The following SEC31A variants were observed in gnomAD, a reference collection of about 807,000 sequenced individuals.
The protein encoded by SEC31A is protein transport protein Sec31A.
SEC31A carries 70 observed loss-of-function variants against 151.0 expected under a neutral mutation model. The observed-to-expected ratio is 0.46, with a 90% CI of 0.38 to 0.57. The LOEUF (loss-of-function observed/expected upper bound fraction) is 0.57, where lower values mean the gene tolerates loss of function less well. Ranked by LOEUF, SEC31A falls within the 20% of genes least tolerant of loss-of-function variation. The probability of loss-of-function intolerance (pLI) is 0.00; values close to 1 mark genes in which losing one functional copy is unlikely to be tolerated. For missense variants in SEC31A, 1,330 were observed against 1,471.2 expected, an observed-to-expected ratio of 0.90 and a Z score of 1.57; for synonymous variants, 475 against 505.9, an observed-to-expected ratio of 0.94 and a Z score of 0.82.
chr4:82,855,085 T>G, intron 16 of SEC31A, 56 bp from the exon 17 acceptor site: 2 of 1,387,186 alleles, frequency 1.4e-6, no homozygotes, highest in Non-Finnish European at 1.9e-6. Context: ...CAATAAAAAT[T>G]AATTCTGACT....
rs575853106 is a variant in SEC31A at position 82,882,152 on chromosome 4, C to T, written c.-4-212G>A. On this transcript the variant is annotated intron_variant, in intron 1 of 26. Transcript: ENST00000395310. ...GGCCGGGTGGCTCATGCCTGTAATC[C>T]CAGCACTTTGGGAGGCCAAGGCGGG... Among the ~76,000 whole-genome samples, 5 of 152,192 alleles carry T rather than the reference C, an allele frequency of 3.3e-5. No individual in the cohort carries two copies. The East Asian group carries it at 9.7e-4, about 29-fold the overall frequency.
chr4:82,851,660 G>T, intron 18 of SEC31A, 56 bp from the exon 19 acceptor site: 1 of 1,419,014 alleles, frequency 7.0e-7, no homozygotes, highest in Non-Finnish European at 9.7e-7. Flanking sequence ...ATGAGAGGAA[G>T]CAGGAAAAGA....
chr4:82,831,230 GTTCT>G (rs1274762412), intron 22 of SEC31A: 1 of 156,442 alleles, frequency 6.4e-6, no homozygotes, highest in African/African-American at 2.4e-5. Context: ...TTTTCTTACT[GTTCT>G]TTTTTAAGAG....
At position 82,882,199 on chromosome 4, in the gene SEC31A, T is replaced by A. The variant is rs560229033; in HGVS notation, c.-4-259A>T. Among the ~76,000 whole-genome samples, 961 of 152,010 alleles carry A rather than the reference T, an allele frequency of 6.3e-3. 9 individuals carry two copies. The highest frequency in any genetic ancestry group is 0.022 in the African/African-American group (911 of 41,448). ...CGGGCGGATCACGAGGTCAGGAGAT[T>A]GAGACCATCCTGGCTAACATGGTGA... On this transcript the variant is annotated intron_variant, in intron 1 of 26. Coordinates refer to ENST00000395310, the MANE Select transcript of SEC31A (RefSeq NM_001077207.4).
intron 12 of SEC31A, 126 bp downstream of exon 12, chr4:82,863,192 G>A (rs920828683): frequency 6.5e-6 from 4 of 614,876 alleles, no homozygotes; most frequent in South Asian, 2.2e-5. Flanking sequence ...GGGAAAAAAC[G>A]CTGGCAACCA....
At chr4:82,861,736 A>C in intron 13 of SEC31A, 28 bp from the exon 14 acceptor site, 1 of 1,506,898 alleles carries the variant, frequency 6.6e-7, no homozygotes, top group Non-Finnish European at 9.2e-7. Context: ...ATTACAGGGG[A>C]AGGTGAAGAA....
intron 18 of SEC31A, among the ~76,000 whole-genome samples, chr4:82,853,180 A>G (rs1731820220): frequency 6.6e-6 from 1 of 152,162 alleles, no homozygotes; most frequent in South Asian, 2.1e-4. Context: ...CTTTAACCAT[A>G]AAGATTCTCT....
At chr4:82,887,560 T>C (rs536194005) in intron 1 of SEC31A, among the ~76,000 whole-genome samples, 1 of 152,362 alleles carries the variant, frequency 6.6e-6, no homozygotes, top group Non-Finnish European at 1.5e-5. Context: ...CTGACTTTAA[T>C]CATGTCGCTT....
At chr4:82,833,650 T>C (rs770245808) in intron 22 of SEC31A, among the ~76,000 whole-genome samples, 13 of 151,654 alleles carry the variant, frequency 8.6e-5, no homozygotes, top group Admixed American at 1.3e-4. Flanking sequence ...GCTGAAAACA[T>C]AGCAATCCCA....
chr4:82,834,412 CA>C (rs1334875336), intron 22 of SEC31A, among the ~76,000 whole-genome samples: 1 of 152,122 alleles, frequency 6.6e-6, no homozygotes, highest in African/African-American at 2.4e-5. Context: ...CAGACTTCAC[CA>C]ACTATTAGCA....
Position 82,890,201 on chromosome 4 carries a change from CAAAAAAA to C in SEC31A, c.-5+880_-5+886del, listed in dbSNP as rs60372442. ...TGGGTGACAGAGCGAGACTCCGTCT[CAAAAAAA>C]AAAAAAAAAAAAAAAAAGGAGAGTA... is the stretch of plus-strand genomic sequence containing the variant. On this transcript the variant is annotated intron_variant, in intron 1 of 26. Coordinates refer to ENST00000395310, the MANE Select transcript of SEC31A (RefSeq NM_001077207.4). Among the ~76,000 whole-genome samples the C allele has an allele frequency of 9.1e-4, 68 of 74,936 alleles. 1 individual carries two copies. In the East Asian group the frequency reaches 0.014, roughly 15 times the overall value. The allele number at this position is 74,936 out of a possible 152,430, so 49.2% of individuals were successfully genotyped here. A position where few individuals can be genotyped will look rare whatever the true frequency, so the allele number is the denominator to read the frequency against.
chr4:82,895,397 G>A (rs1268005074), upstream of SEC31A: 1 of 152,220 alleles, frequency 6.6e-6, no homozygotes, highest in Admixed American at 6.5e-5. Context: ...TTGAACCCAG[G>A]AGGCAGAGAT....
At chr4:82,845,063 A>G (rs1729759557) in intron 20 of SEC31A, 1 of 563,774 alleles carries the variant, frequency 1.8e-6, no homozygotes, top group Admixed American at 3.3e-5. Context: ...CTTGCATCCT[A>G]AAAGCATTAA....
chr4:82,845,994 G>T (rs548076051), intron 20 of SEC31A, among the ~76,000 whole-genome samples: 1 of 151,308 alleles, frequency 6.6e-6, no homozygotes, highest in East Asian at 1.9e-4. Flanking sequence ...TTGTTTTTTT[G>T]TTTGTTTGTT....
At chr4:82,864,123 T>G (rs912135039) in intron 11 of SEC31A, among the ~76,000 whole-genome samples, 1 of 152,190 alleles carries the variant, frequency 6.6e-6, no homozygotes, top group African/African-American at 2.4e-5. Flanking sequence ...AACAGACCTA[T>G]TATTATTTTT....
At chr4:82,857,277 C>A in intron 15 of SEC31A, 147 bp from the exon 16 acceptor site, 2 of 683,584 alleles carry the variant, frequency 2.9e-6, no homozygotes, top group East Asian at 2.8e-5. Flanking sequence ...TAATTTCTAA[C>A]ACAAGCTATT....
chr4:82,822,310 A>T (rs1308272665), intron 25 of SEC31A, among the ~76,000 whole-genome samples: 1 of 151,972 alleles, frequency 6.6e-6, no homozygotes, highest in East Asian at 1.9e-4. Flanking sequence ...GAAGGGGGCT[A>T]AACATGTTGG....
upstream of SEC31A, chr4:82,891,204 G>T (rs903036521): frequency 2.0e-6 from 3 of 1,528,728 alleles, no homozygotes; most frequent in Non-Finnish European, 1.8e-6. Context: ...CCGTTCCAAC[G>T]TGGCAGCCGC....
intron 19 of SEC31A, among the ~76,000 whole-genome samples, chr4:82,850,187 G>A (rs1011105538): frequency 1.3e-5 from 2 of 151,242 alleles, no homozygotes; most frequent in Admixed American, 1.3e-4. Context: ...AATGAATTAA[G>A]CTAGATGAGC....
Sources: allele counts gnomAD v4.1 joint callset (sites outside exome capture counted in the v4.1 genomes callset), GRCh38; gene constraint gnomAD v4.1.1; transcripts MANE v1.5; gene names NCBI Gene and HGNC (gene_info 2026-07-23, HGNC 2026-07-21).